Variants in RANBP2 observed in about 807,000 individuals in gnomAD.
The protein encoded by RANBP2 is RAN binding protein 2.
A neutral mutation model predicts 303.6 loss-of-function variants in RANBP2; 57 were observed. The ratio of observed to expected loss-of-function variants is 0.19; its 90% CI spans 0.15 to 0.23. RANBP2 has a LOEUF of 0.23. RANBP2 is among the 10% of genes least tolerant of loss of function. The pLI, the probability that RANBP2 is intolerant of heterozygous loss-of-function variation, is 1.00. For missense variants in RANBP2, 3,138 were observed against 3,780.8 expected, an observed-to-expected ratio of 0.83 and a Z score of 4.46; for synonymous variants, 1,167 against 1,301.5, an observed-to-expected ratio of 0.90 and a Z score of 2.23.
chr2:109,437,527 C>T, the RANBP2 span, among the ~76,000 whole-genome samples: 1 of 152,216 alleles, frequency 6.6e-6, no homozygotes, highest in Non-Finnish European at 1.5e-5. Context: ...TTTCAAATGC[C>T]TCCCCCATGA....
the RANBP2 span, among the ~76,000 whole-genome samples, chr2:109,679,857 A>G: frequency 3.6e-3 from 551 of 152,306 alleles, no homozygotes; most frequent in Non-Finnish European, 5.6e-3. Flanking sequence ...ACTGTGAATA[A>G]GTTTCCAGCC....
the RANBP2 span, among the ~76,000 whole-genome samples, chr2:109,133,084 A>G: frequency 6.6e-6 from 1 of 152,232 alleles, no homozygotes; most frequent in Non-Finnish European, 1.5e-5. Flanking sequence ...TGGAGCTGAC[A>G]GTAGAGGTAG....
At chr2:108,808,587 G>A in the RANBP2 span, among the ~76,000 whole-genome samples, 1 of 152,066 alleles carries the variant, frequency 6.6e-6, no homozygotes, top group African/African-American at 2.4e-5. Flanking sequence ...TCATGGTTTC[G>A]ATTTGCATTA....
chr2:108,732,221 T>C (rs1490245814), intron 4 of RANBP2, among the ~76,000 whole-genome samples: 1 of 152,178 alleles, frequency 6.6e-6, no homozygotes, highest in Non-Finnish European at 1.5e-5. Context: ...TTGAAATAAT[T>C]ATAGATTTTT....
the RANBP2 span, among the ~76,000 whole-genome samples, chr2:109,146,969 T>C: frequency 2.8e-5 from 4 of 143,690 alleles, no homozygotes; most frequent in Admixed American, 7.3e-5. Flanking sequence ...TGTTCCCATC[T>C]TTCCTCCTGG....
the RANBP2 span, among the ~76,000 whole-genome samples, chr2:108,828,505 G>A: frequency 1.3e-5 from 2 of 152,300 alleles, no homozygotes; most frequent in South Asian, 4.1e-4. Context: ...CATAAGACAT[G>A]TAGACCAATG....
chr2:108,742,307 CTT>C, intron 7 of RANBP2, among the ~76,000 whole-genome samples: 1 of 151,014 alleles, frequency 6.6e-6, no homozygotes, highest in East Asian at 2.0e-4. Context: ...TAATATAAAT[CTT>C]TTTATTTTTA....
At chr2:109,036,813 G>C in the RANBP2 span, among the ~76,000 whole-genome samples, 1 of 152,018 alleles carries the variant, frequency 6.6e-6, no homozygotes, top group African/African-American at 2.4e-5. Context: ...TTCAAAACTA[G>C]CCTGGGCAAC....
Position 108,719,618 on chromosome 2 carries a change from C to T in RANBP2, c.12C>T (p.Ser4=). 1 of 1,606,428 alleles carries T rather than the reference C, an allele frequency of 6.2e-7. No individual in the cohort carries two copies. Among genetic ancestry groups the T allele is most frequent in the Non-Finnish European group, 8.5e-7 (1 of 1,177,690 alleles). MRR[S]KADVERYIAS... is the part of the protein sequence containing the mutation. Reference sequence around the variant, plus strand: ...AGGTTGGCGGCGCGATGAGGCGCAGCAAGGCTGACGTGGAGCGGTACATCG... The same window carrying T: ...AGGTTGGCGGCGCGATGAGGCGCAGTAAGGCTGACGTGGAGCGGTACATCG... The change falls in exon 1 of 29, where the codon AGC becomes AGT. Residue 4 remains serine, a synonymous_variant. Transcript: ENST00000283195.
chr2:109,314,198 ATG>A, the RANBP2 span, among the ~76,000 whole-genome samples: 1 of 152,118 alleles, frequency 6.6e-6, no homozygotes, highest in African/African-American at 2.4e-5. Flanking sequence ...GTGTCCAGAG[ATG>A]GGGGCACCAG....
At chr2:109,452,620 C>T in the RANBP2 span, among the ~76,000 whole-genome samples, 1 of 152,298 alleles carries the variant, frequency 6.6e-6, no homozygotes, top group East Asian at 1.9e-4. Context: ...GAGATTTACG[C>T]GCCATATCCC....
At chr2:108,908,517 C>T in the RANBP2 span, among the ~76,000 whole-genome samples, 66 of 152,256 alleles carry the variant, frequency 4.3e-4, no homozygotes, top group East Asian at 0.012. Flanking sequence ...GGAAAGCCCC[C>T]TCTTGACTAG....
the RANBP2 span, among the ~76,000 whole-genome samples, chr2:109,013,640 G>A: frequency 6.6e-6 from 1 of 151,630 alleles, no homozygotes; most frequent in Non-Finnish European, 1.5e-5. Context: ...GGTGCAGTGG[G>A]GTGATCTCGG....
the RANBP2 span, among the ~76,000 whole-genome samples, chr2:109,347,425 AG>A: frequency 6.6e-6 from 1 of 151,984 alleles, no homozygotes; most frequent in Admixed American, 6.5e-5. Flanking sequence ...TCTGTGTGGA[AG>A]GCCTCAGACA....
the RANBP2 span, among the ~76,000 whole-genome samples, chr2:109,555,404 T>C: frequency 2.6e-5 from 4 of 152,184 alleles, no homozygotes; most frequent in Non-Finnish European, 5.9e-5. Flanking sequence ...CATGCTGTCC[T>C]GCTCATCCTC....
the RANBP2 span, among the ~76,000 whole-genome samples, chr2:109,442,661 G>T: frequency 5.9e-5 from 9 of 152,102 alleles, no homozygotes; most frequent in Non-Finnish European, 1.2e-4. Flanking sequence ...GAAATCATTT[G>T]TAAATGACTA....
the RANBP2 span, among the ~76,000 whole-genome samples, chr2:109,152,677 A>G: frequency 6.6e-6 from 1 of 152,336 alleles, no homozygotes; most frequent in South Asian, 2.1e-4. Context: ...TCATGGTTTC[A>G]AGACTGCTGA....
chr2:108,994,724 C>T, the RANBP2 span, among the ~76,000 whole-genome samples: 1 of 149,968 alleles, frequency 6.7e-6, no homozygotes, highest in East Asian at 1.9e-4. Context: ...ATGCTATTAA[C>T]CAGTGGATAT....
chr2:109,338,432 C>CTT, the RANBP2 span, among the ~76,000 whole-genome samples: 2 of 145,944 alleles, frequency 1.4e-5, no homozygotes, highest in African/African-American at 5.0e-5. Context: ...CTTAGGGAAA[C>CTT]TTTTTTTTTT....
Sources: gnomAD v4.1 joint callset for allele counts (sites outside exome capture counted in the v4.1 genomes callset) on GRCh38, gnomAD v4.1.1 for gene constraint, MANE v1.5 for transcripts, NCBI Gene and HGNC (gene_info 2026-07-23, HGNC 2026-07-21) for gene names.